ZRANB1: variants seen among roughly 807,000 people sequenced by gnomAD.
The protein encoded by ZRANB1 is ubiquitin thioesterase ZRANB1.
ZRANB1 carries 16 observed loss-of-function variants against 80.5 expected under a neutral mutation model. That is an observed-to-expected ratio of 0.20 (90% CI 0.13 to 0.30). ZRANB1 has a LOEUF of 0.30. Ranked by LOEUF, ZRANB1 falls within the 10% of genes least tolerant of loss-of-function variation. ZRANB1 has a pLI of 1.00. For missense variants in ZRANB1, 576 were observed against 862.6 expected, an observed-to-expected ratio of 0.67 and a Z score of 4.16; for synonymous variants, 291 against 293.1, an observed-to-expected ratio of 0.99 and a Z score of 0.07.
chr10:124,923,834 C>T, the ZRANB1 span, among the ~76,000 whole-genome samples: 17 of 151,694 alleles, frequency 1.1e-4, no homozygotes, highest in Non-Finnish European at 2.2e-4. Flanking sequence ...CACTTCCCAC[C>T]GGGTCCCTCC....
In ZRANB1 at chr10:124,983,416, T is replaced by C. The variant is rs778340907; in HGVS notation, c.1679-43T>C. 1 of 1,592,790 alleles carries C rather than the reference T, an allele frequency of 6.3e-7. No individual in the cohort carries two copies. The highest frequency in any genetic ancestry group is 8.6e-7 in the Non-Finnish European group (1 of 1,166,110). On this transcript the variant is annotated intron_variant, in intron 7 of 8. Transcript: ENST00000359653. This position sits in a 1 kb window ranked among gnomAD's most constrained non-coding sequence, Gnocchi z 6.2. ...AACAAGGGCAGTGAGGGAGTGGCTC[T>C]TTCTTCCTGTGACTGTTGGGATTTT...
In ZRANB1 at chr10:124,984,984, G is replaced by A. The variant is rs1242304239; in HGVS notation, c.2119G>A (p.Asp707Asn). The A allele has an allele frequency of 5.0e-6, 8 of 1,600,690 alleles. No individual in the cohort carries two copies. The highest frequency in any genetic ancestry group is 1.7e-4 in the Middle Eastern group (1 of 6,014). Residue 707 changes from aspartate (D) to asparagine (N), a missense_variant, in exon 9 of 9, where the codon GAT (aspartate) becomes AAT (asparagine). Asp to Asn is a conservative substitution (Grantham distance 23). Around this residue, in one of 3 missense-constraint regions of ZRANB1, gnomAD observed 152 missense variants for 221.9 expected, o/e 0.69. Transcript: ENST00000359653. ...TGGAGAGGAAGATGAGGATGATGAA[G>A]ATGAATGAAAAAAAAAATCAAACAG... is the stretch of plus-strand genomic sequence containing the variant. ...SDGEEDEDDEDE is the reference protein window; with the variant it reads ...SDGEEDEDDENE
chr10:124,982,582 C>T (rs965465205), intron 6 of ZRANB1, among the ~76,000 whole-genome samples: 3 of 152,096 alleles, frequency 2.0e-5, no homozygotes, highest in Non-Finnish European at 4.4e-5. Context: ...TACAACTACT[C>T]CTTTTTTTTT....
Position 124,942,736 on chromosome 10 carries a change from C to T in ZRANB1, c.243C>T (p.Ser81=). 6.2e-7 allele frequency: 1 copy of T among 1,614,180 alleles called. No individual in the cohort carries two copies. The highest frequency in any genetic ancestry group is 1.1e-5 in the South Asian group (1 of 91,080). The change falls in exon 1 of 9, where the codon AGC becomes AGT. Residue 81 remains serine (S), a synonymous_variant. Transcript: ENST00000359653. ...SARPRVKSSY[S]MENANKWSCH... ...GACCAAGGGTGAAATCTTCGTATAG[C>T]ATGGAAAATGCAAATAAGTGGTCAT...
In ZRANB1 at chr10:124,953,791, C is replaced by T. The variant is rs146721406; in HGVS notation, c.814+10484C>T. ...GTTGCAGATCTGTGTTCTAATATGT[C>T]ATTTTTTGAGATCAACATCTGTGAG... On this transcript the variant is annotated intron_variant, in intron 1 of 8. Transcript: ENST00000359653. Among the ~76,000 whole-genome samples the T allele has an allele frequency of 3.9e-5, 6 of 152,192 alleles. No individual in the cohort carries two copies. The East Asian group carries it at 1.2e-3, about 29-fold the overall frequency.
chr10:124,928,546 G>GC, the ZRANB1 span, among the ~76,000 whole-genome samples: 1 of 152,074 alleles, frequency 6.6e-6, no homozygotes, highest in African/African-American at 2.4e-5. Flanking sequence ...TTATTATTGG[G>GC]CACCTCCTAT....
At chr10:124,938,158 G>A (rs991206151), upstream of ZRANB1, among the ~76,000 whole-genome samples, 6 of 152,106 alleles carry the variant, frequency 3.9e-5, no homozygotes, top group African/African-American at 9.7e-5. Context: ...GGCTACTTTG[G>A]AAATAATTTT....
At chr10:124,972,850 C>T (rs1466888327) in intron 3 of ZRANB1, among the ~76,000 whole-genome samples, 5 of 151,516 alleles carry the variant, frequency 3.3e-5, no homozygotes, top group Non-Finnish European at 4.4e-5. Context: ...GTGATCATAG[C>T]TTACTGCGCC....
At chr10:124,976,949 T>C (rs934714102) in intron 5 of ZRANB1, among the ~76,000 whole-genome samples, 41 of 152,006 alleles carry the variant, frequency 2.7e-4, no homozygotes, top group Non-Finnish European at 1.0e-4. Context: ...GTCTTTTTTT[T>C]AGTGATGAGG....
intron 2 of ZRANB1, among the ~76,000 whole-genome samples, chr10:124,969,242 C>T (rs990364649): frequency 3.9e-5 from 6 of 152,172 alleles, no homozygotes; most frequent in East Asian, 1.9e-4. Flanking sequence ...AGCAACATAC[C>T]ATTACTTTTG....
rs879175826 is a variant in ZRANB1, at chr10:124,986,291, G to GCGCACACA, written c.*1300_*1301insGCACACAC. On this transcript the variant is annotated 3_prime_UTR_variant, in exon 9 of 9. Transcript: ENST00000359653. Reference sequence around the variant, plus strand: ...AGACGACACACGCACGCGCGCGCGCGCACACACACACACACACACACACAC... The same window carrying GCGCACACA: ...AGACGACACACGCACGCGCGCGCGCGCGCACACACACACACACACACACACACACACAC... 1.7e-5 allele frequency: 2 copies of GCGCACACA among 116,020 alleles called. No homozygotes were observed. The highest frequency in any genetic ancestry group is 6.6e-5 in the African/African-American group (2 of 30,496). 7.2% of individuals were successfully genotyped at this position (116,020 alleles called of 1,614,324 possible).
At chr10:124,976,517 G>C (rs1474724532) in intron 5 of ZRANB1, among the ~76,000 whole-genome samples, 1 of 150,784 alleles carries the variant, frequency 6.6e-6, no homozygotes, top group Non-Finnish European at 1.5e-5. Flanking sequence ...CACTTTGCAG[G>C]TTCTCTCTAA....
chr10:124,974,117 C>T (rs1951852871), intron 4 of ZRANB1, 83 bp from the exon 5 acceptor site: 8 of 1,392,036 alleles, frequency 5.7e-6, no homozygotes, highest in Non-Finnish European at 8.0e-6. Context: ...CATTTTATAG[C>T]TAGAAAATAG....
intron 1 of ZRANB1, among the ~76,000 whole-genome samples, chr10:124,948,525 T>C (rs1951603813): frequency 6.6e-6 from 1 of 152,064 alleles, no homozygotes; most frequent in Admixed American, 6.6e-5. Context: ...TTTTTTTTTT[T>C]TCCTATAAAT....
intron 1 of ZRANB1, among the ~76,000 whole-genome samples, chr10:124,956,631 C>G (rs916592249): frequency 2.0e-5 from 3 of 152,070 alleles, no homozygotes; most frequent in African/African-American, 7.2e-5. Context: ...CCACCACGCC[C>G]AGCTCATATT....
upstream of ZRANB1, among the ~76,000 whole-genome samples, chr10:124,939,796 G>GC (rs1951519147): frequency 6.6e-6 from 1 of 152,056 alleles, no homozygotes; most frequent in Non-Finnish European, 1.5e-5. Context: ...AAAAGAATCT[G>GC]CCTAAAGAGT....
At position 124,981,673 on chromosome 10, in the gene ZRANB1, CTATT is replaced by C. The variant is rs200684597; in HGVS notation, c.1428-26_1428-23del. 4,666 of 1,543,048 alleles carry C rather than the reference CTATT, an allele frequency of 3.0e-3. 112 individuals are homozygous for C. The African/African-American group carries it at 0.054, about 18-fold the overall frequency. The stretch of plus-strand genomic sequence containing the variant: ...CTTTAAATGTTTTATTTATAGAAGA[CTATT>C]TATTTATTTTTTTACTATCCTGCTT... On this transcript the variant is annotated intron_variant, in intron 5 of 8. Coordinates refer to ENST00000359653, the MANE Select transcript of ZRANB1 (RefSeq NM_017580.3).
chr10:124,924,400 T>C, the ZRANB1 span, among the ~76,000 whole-genome samples: 1 of 152,148 alleles, frequency 6.6e-6, no homozygotes, highest in South Asian at 2.1e-4. Flanking sequence ...TTAACAGAGT[T>C]GTACAGCCAT....
At chr10:124,980,758 C>A (rs1380709757) in intron 5 of ZRANB1, among the ~76,000 whole-genome samples, 1 of 152,128 alleles carries the variant, frequency 6.6e-6, no homozygotes, top group Non-Finnish European at 1.5e-5. Flanking sequence ...TTACTTGTGA[C>A]ACCACCCATT....
Sources: gnomAD v4.1 joint callset for allele counts (sites outside exome capture counted in the v4.1 genomes callset) on GRCh38, gnomAD v4.1.1 for gene constraint, gnomAD v4.1.1 regional missense constraint, Gnocchi (gnomAD v3.1) non-coding constraint, MANE v1.5 for transcripts, NCBI Gene and HGNC (gene_info 2026-07-23, HGNC 2026-07-21) for gene names.